The following RGS10 variants were observed in gnomAD, a reference collection of about 807,000 sequenced individuals.
RGS10 encodes regulator of G-protein signalling 10.
Under a neutral mutation model 23.5 loss-of-function variants are expected in RGS10, and 11 were observed. The ratio of observed to expected loss-of-function variants is 0.47; its 90% confidence interval spans 0.29 to 0.77. The LOEUF is 0.77. RGS10 is among the 30% of genes least tolerant of loss of function. The pLI, the probability that RGS10 is intolerant of heterozygous loss-of-function variation, is 0.08. For missense variants in RGS10, 180 were observed against 226.3 expected (o/e 0.80, Z 1.31); for synonymous variants, 77 against 83.2 (o/e 0.92, Z 0.41).
chr10:119,530,558 T>G (rs754246673), intron 1 of RGS10, among the ~76,000 whole-genome samples: 1 of 151,958 alleles, frequency 6.6e-6, no homozygotes, highest in Non-Finnish European at 1.5e-5. Context: ...GGCACGGTGG[T>G]TCACACCTAT....
At position 119,505,230 on chromosome 10, in the gene RGS10, A is replaced by G. The variant is rs185653114; in HGVS notation, c.400-4971T>C. On this transcript the variant is annotated intron_variant, in intron 4 of 4. Coordinates refer to ENST00000369103, the MANE Select transcript of RGS10 (RefSeq NM_001005339.2). ...GCAGGAGGCCGCAGGTGAGTGGAAG[A>G]CACGGGAACAGAGCTGAGGCCACCA... is the stretch of plus-strand genomic sequence containing the variant. Among the ~76,000 whole-genome samples, 4 of 151,966 alleles carry G rather than the reference A, an allele frequency of 2.6e-5. No homozygotes were observed. In the East Asian group the frequency reaches 7.7e-4, roughly 29 times the overall value.
intron 1 of RGS10, among the ~76,000 whole-genome samples, chr10:119,541,441 T>C (rs573463025): frequency 8.5e-5 from 13 of 152,270 alleles, no homozygotes; most frequent in African/African-American, 3.1e-4. Flanking sequence ...CAGGTTCCAA[T>C]TAAGTACTTT....
chr10:119,529,557 C>G (rs79223318), intron 1 of RGS10, among the ~76,000 whole-genome samples: 1 of 152,300 alleles, frequency 6.6e-6, no homozygotes, highest in East Asian at 1.9e-4. Context: ...CATCCCCCAT[C>G]TCTTGGGTTA....
chr10:119,523,449 G>T (rs1844240918), intron 3 of RGS10, among the ~76,000 whole-genome samples: 1 of 152,202 alleles, frequency 6.6e-6, no homozygotes, highest in Non-Finnish European at 1.5e-5. Context: ...CGGATCACTT[G>T]AGGTCAGAAG....
At position 119,538,796 on chromosome 10, in the gene RGS10, C is replaced by T. The variant is rs1223243683; in HGVS notation, c.49+3794G>A. ...CTGGGGCCCCCTCCGCTCCTGCTGC[C>T]ACCCGCAGGCTGCTGCAGCAAAGAA... On this transcript the variant is annotated intron_variant, in intron 1 of 4. Coordinates refer to ENST00000369103, the MANE Select transcript of RGS10 (RefSeq NM_001005339.2). This position sits in a 1 kb window ranked among gnomAD's most constrained non-coding sequence, Gnocchi z 4.5. Among the ~76,000 whole-genome samples the T allele has an allele frequency of 6.6e-6, 1 of 152,150 alleles. No homozygotes were observed. The highest frequency in any genetic ancestry group is 2.4e-5 in the African/African-American group (1 of 41,430).
rs1397997188 is a variant in RGS10 at position 119,527,924 on chromosome 10, G to A, written c.50-500C>T. On this transcript the variant is annotated intron_variant, in intron 1 of 4. Coordinates refer to ENST00000369103, the MANE Select transcript of RGS10 (RefSeq NM_001005339.2). The surrounding 1 kb of genome is among the most constrained non-coding windows in gnomAD (Gnocchi z 4.2). ...CACCTAGCTCATTATCTGGCACAGA[G>A]ATTAAAAAACTCATTGCAGGACGGG... Among the ~76,000 whole-genome samples the A allele has an allele frequency of 6.6e-6, 1 of 152,172 alleles. No individual in the cohort carries two copies. Among genetic ancestry groups the A allele is most frequent in the Non-Finnish European group, 1.5e-5 (1 of 68,032 alleles).
intron 4 of RGS10, among the ~76,000 whole-genome samples, chr10:119,508,633 A>G (rs1004763696): frequency 2.6e-5 from 4 of 152,192 alleles, no homozygotes; most frequent in Non-Finnish European, 5.9e-5. Flanking sequence ...CCATTCTTCA[A>G]TGTTTGAGTA....
intron 4 of RGS10, among the ~76,000 whole-genome samples, chr10:119,514,032 T>G (rs1844111051): frequency 6.6e-6 from 1 of 152,192 alleles, no homozygotes; most frequent in Admixed American, 6.5e-5. Context: ...ACACACCAAG[T>G]GTGACATCAG....
chr10:119,537,168 A>G (rs1465150753), intron 1 of RGS10, among the ~76,000 whole-genome samples: 1 of 152,052 alleles, frequency 6.6e-6, no homozygotes, highest in Non-Finnish European at 1.5e-5. Context: ...CGAGGCGGGC[A>G]GATCACCTGA....
chr10:119,525,162 G>A (rs1210459196), intron 3 of RGS10, among the ~76,000 whole-genome samples: 1 of 152,132 alleles, frequency 6.6e-6, no homozygotes, highest in Non-Finnish European at 1.5e-5. Flanking sequence ...GCGGTACTAG[G>A]TGGAATATAA....
intron 1 of RGS10, among the ~76,000 whole-genome samples, chr10:119,531,821 G>A (rs535889731): frequency 1.3e-5 from 2 of 152,146 alleles, no homozygotes; most frequent in African/African-American, 2.4e-5. Context: ...TTAGAAAACC[G>A]ATGGGCCCTT....
intron 4 of RGS10, among the ~76,000 whole-genome samples, chr10:119,507,756 T>A (rs781113406): frequency 2.2e-4 from 34 of 152,022 alleles, no homozygotes; most frequent in Admixed American, 5.2e-4. Flanking sequence ...GGCTACTTTT[T>A]GTATTTTTAG....
chr10:119,534,954 C>A (rs1161707127), intron 1 of RGS10, among the ~76,000 whole-genome samples: 2 of 152,076 alleles, frequency 1.3e-5, no homozygotes, highest in East Asian at 1.9e-4. Flanking sequence ...CCGTTCCAAG[C>A]TTTTACCTGA....
intron 1 of RGS10, among the ~76,000 whole-genome samples, chr10:119,541,024 G>T (rs1844430563): frequency 6.6e-6 from 1 of 152,138 alleles, no homozygotes; most frequent in Non-Finnish European, 1.5e-5. Flanking sequence ...CTACTTTCAA[G>T]CTACCTATGG....
chr10:119,512,830 G>A (rs1363002987), intron 4 of RGS10, among the ~76,000 whole-genome samples: 6 of 152,250 alleles, frequency 3.9e-5, no homozygotes, highest in African/African-American at 9.6e-5. Context: ...TTACAGGCGT[G>A]AGCGACTGAG....
intron 1 of RGS10, among the ~76,000 whole-genome samples, chr10:119,537,837 GC>G (rs1554859196): frequency 6.6e-6 from 1 of 152,140 alleles, no homozygotes; most frequent in Non-Finnish European, 1.5e-5. Flanking sequence ...TTTTGCTTTT[GC>G]TTTGAAATAG....
At position 119,521,259 on chromosome 10, in the gene RGS10, C is replaced by A. The variant is rs150955507; in HGVS notation, c.255+4773G>T. ...TTCCAGCCTGGGTGACAGAGTGAGA[C>A]CCTGTCTCAAAAAGAAAAGAAAAGA... is the stretch of plus-strand genomic sequence containing the variant. On this transcript the variant is annotated intron_variant, in intron 3 of 4. Transcript: ENST00000369103. Among the ~76,000 whole-genome samples, 365 of 152,060 alleles carry A rather than the reference C, an allele frequency of 2.4e-3. 1 individual carries two copies. Among genetic ancestry groups the A allele is most frequent in the African/African-American group, 8.4e-3 (347 of 41,470 alleles).
In RGS10 at chr10:119,542,654, A is replaced by G; in HGVS notation, c.-16T>C. On this transcript the variant is annotated 5_prime_UTR_variant, in exon 1 of 5. Transcript: ENST00000369103. ...GGTTGAACATCGCCGCGGGCGCCCG[A>G]GGAGGAAGAAGGAGCAGCCCGGCGG... The G allele has an allele frequency of 7.3e-7, 1 of 1,374,520 alleles. No individual in the cohort carries two copies. Among genetic ancestry groups the G allele is most frequent in the Admixed American group, 3.2e-5 (1 of 30,824 alleles). 85.1% of individuals were successfully genotyped at this position (1,374,520 alleles called of 1,614,324 possible).
Position 119,542,704 on chromosome 10 carries a change from C to CGAGGAGGAGGAGGAGGGCGAG in RGS10, c.-67_-66insCTCGCCCTCCTCCTCCTCCTC, listed in dbSNP as rs1432532340. ...GCGCGGCGGCTGAGCCGGAGGAAGG[C>CGAGGAGGAGGAGGAGGGCGAG]GAGGAGGAGGAGGAGGGCGAGGAGG... On this transcript the variant is annotated 5_prime_UTR_variant, in exon 1 of 5. Transcript: ENST00000369103. 1.1e-5 allele frequency: 14 copies of CGAGGAGGAGGAGGAGGGCGAG among 1,265,066 alleles called. No homozygotes were observed. The South Asian group carries it at 1.2e-4, about 11-fold the overall frequency. 78.4% of individuals were successfully genotyped at this position (1,265,066 alleles called of 1,614,324 possible).
Sources: gnomAD v4.1 joint callset for allele counts (sites outside exome capture counted in the v4.1 genomes callset) on GRCh38, gnomAD v4.1.1 for gene constraint, Gnocchi (gnomAD v3.1) non-coding constraint, MANE v1.5 for transcripts, NCBI Gene and HGNC (gene_info 2026-07-23, HGNC 2026-07-21) for gene names.